Variants in ARV1 observed in about 807,000 individuals in gnomAD.
ARV1 encodes protein ARV1.
A neutral mutation model predicts 31.1 loss-of-function variants in ARV1; 26 were observed. That is an observed-to-expected ratio of 0.84 (90% CI 0.61 to 1.16). ARV1 has a LOEUF of 1.16. Among genes scored for constraint, ARV1 ranks in the 50% most tolerant of loss-of-function variants. The pLI, the probability that ARV1 is intolerant of heterozygous loss-of-function variation, is 0.00. For synonymous variants in ARV1, 117 were observed against 123.2 expected (o/e 0.95, Z 0.34); for missense variants, 281 against 324.9 (o/e 0.86, Z 1.04).
chr1:230,997,145 T>G lies in ARV1; in HGVS notation c.698T>G (p.Leu233Arg). 1 of 1,614,058 alleles carries G rather than the reference T, an allele frequency of 6.2e-7. No homozygotes were observed. The highest frequency in any genetic ancestry group is 1.6e-4 in the Middle Eastern group (1 of 6,062). Residue 233 changes from leucine to arginine, a missense_variant, in exon 5 of 6, where the codon CTC becomes CGC. Physicochemically the swap from Leu to Arg is moderately radical, Grantham distance 102. Coordinates refer to ENST00000310256, the MANE Select transcript of ARV1 (RefSeq NM_022786.3). The part of the protein sequence containing the change: ...IRVTLNINRK[L>R]SFLAVLSGLL... ...GTGACCCTAAACATCAACCGTAAGCTCTCCTTCTTGGCCGTGTTGAGTGGC... is the reference window on the plus strand; with the variant it reads ...GTGACCCTAAACATCAACCGTAAGCGCTCCTTCTTGGCCGTGTTGAGTGGC...
At chr1:230,991,415 A>G (rs1171696279) in intron 3 of ARV1, among the ~76,000 whole-genome samples, 1 of 151,982 alleles carries the variant, frequency 6.6e-6, no homozygotes, top group Non-Finnish European at 1.5e-5. Context: ...CTGCCTTCTC[A>G]ACATCACCAC....
intron 2 of ARV1, among the ~76,000 whole-genome samples, chr1:230,989,124 C>T (rs1300363313): frequency 8.6e-5 from 13 of 151,962 alleles, no homozygotes; most frequent in African/African-American, 1.4e-4. Context: ...ATTTAACTGG[C>T]GGTCCTGTTA....
In ARV1 at chr1:230,998,394, A is replaced by G. The variant is rs915263196; in HGVS notation, c.*4+1127A>G. Among the ~76,000 whole-genome samples the G allele has an allele frequency of 4.6e-5, 7 of 152,086 alleles. No individual in the cohort carries two copies. In the East Asian group the frequency reaches 7.7e-4, roughly 17 times the overall value. On this transcript the variant is annotated intron_variant, in intron 5 of 5. Transcript: ENST00000310256. The stretch of plus-strand genomic sequence containing the variant: ...GCCATCCTCCACTCCTGTTGCCTCA[A>G]TCTCTCTTCATGCCCAGCTAATCCA...
intron 5 of ARV1, among the ~76,000 whole-genome samples, chr1:230,997,484 T>C (rs960605020): frequency 1.3e-5 from 2 of 152,146 alleles, no homozygotes; most frequent in African/African-American, 4.8e-5. Context: ...AACATCCATG[T>C]TTTTGTTGCT....
At chr1:230,985,694 G>A (rs1256436947) in intron 1 of ARV1, among the ~76,000 whole-genome samples, 1 of 152,044 alleles carries the variant, frequency 6.6e-6, no homozygotes, top group African/African-American at 2.4e-5. Flanking sequence ...GACTTTTTAG[G>A]GTTTCCATTT....
intron 1 of ARV1, among the ~76,000 whole-genome samples, chr1:230,984,341 T>G (rs1678989601): frequency 8.0e-6 from 1 of 124,876 alleles, no homozygotes; most frequent in Admixed American, 8.8e-5. Context: ...ATTTGTTTGT[T>G]TCGTGTGTGT....
intron 1 of ARV1, among the ~76,000 whole-genome samples, chr1:230,986,695 TTTTTTTTTTTTGAGA>T (rs1679086912): frequency 1.4e-5 from 1 of 73,184 alleles, no homozygotes; most frequent in Non-Finnish European, 2.8e-5. Flanking sequence ...TTTTTTTTTT[TTTTTTTTTTTTGAGA>T]GAGAGAGACC....
chr1:230,990,136 T>G lies in ARV1; in HGVS notation c.321T>G (p.Cys107Trp), dbSNP rs762537477. Residue 107 changes from cysteine (C) to tryptophan (W), a missense_variant, in exon 3 of 6, where the codon TGT (cysteine) becomes TGG (tryptophan). By Grantham distance (215) the Cys-to-Trp change is radical. Coordinates refer to ENST00000310256, the MANE Select transcript of ARV1 (RefSeq NM_022786.3). ...TCCATGGAAAACTCTGCATATTTTG[T>G]TTGCTTTGTGAAGCATACCTGAGGT... Reference protein sequence around the residue: ...INIHGKLCIFCLLCEAYLRWW... With the variant: ...INIHGKLCIFWLLCEAYLRWW... 3 of 1,607,070 alleles carry G rather than the reference T, an allele frequency of 1.9e-6. No individual in the cohort carries two copies. The highest frequency in any genetic ancestry group is 2.5e-6 in the Non-Finnish European group (3 of 1,178,344).
intron 5 of ARV1, among the ~76,000 whole-genome samples, chr1:230,998,337 C>T (rs369364197): frequency 6.6e-6 from 1 of 152,170 alleles, no homozygotes; most frequent in African/African-American, 2.4e-5. Context: ...TTGCAAGTAG[C>T]GGCTGTAAAG....
rs534249816 is a variant in ARV1 at position 230,987,350 on chromosome 1, G to A, written c.175-970G>A. ...GACCTCGGGTTACAAACTGCAGAAA[G>A]CAAAACTGTGGCTACGGGAGGACTG... On this transcript the variant is annotated intron_variant, in intron 1 of 5. Coordinates refer to ENST00000310256, the MANE Select transcript of ARV1 (RefSeq NM_022786.3). Among the ~76,000 whole-genome samples the A allele has an allele frequency of 2.6e-5, 4 of 152,344 alleles. No individual in the cohort carries two copies. In the South Asian group the frequency reaches 8.3e-4, roughly 32 times the overall value.
At chr1:230,996,782 G>A (rs1380217224) in intron 4 of ARV1, among the ~76,000 whole-genome samples, 1 of 152,140 alleles carries the variant, frequency 6.6e-6, no homozygotes, top group Non-Finnish European at 1.5e-5. Flanking sequence ...TTATCAGAAT[G>A]CTTGTCATCT....
chr1:230,984,342 TC>T (rs1678989815), intron 1 of ARV1, among the ~76,000 whole-genome samples: 1 of 85,076 alleles, frequency 1.2e-5, no homozygotes, highest in Admixed American at 1.2e-4. Flanking sequence ...TTTGTTTGTT[TC>T]GTGTGTGTGT....
At chr1:230,991,569 T>C (rs1191699197) in intron 3 of ARV1, among the ~76,000 whole-genome samples, 2 of 152,222 alleles carry the variant, frequency 1.3e-5, no homozygotes, top group East Asian at 3.8e-4. Flanking sequence ...TGCCTCTTTC[T>C]TTGATACCCC....
intron 3 of ARV1, among the ~76,000 whole-genome samples, chr1:230,994,983 A>G (rs1450981528): frequency 6.6e-6 from 1 of 152,256 alleles, no homozygotes; most frequent in African/African-American, 2.4e-5. Context: ...GCAGAAACCT[A>G]AACTGCTAAT....
At chr1:230,993,243 A>C (rs1013781490) in intron 3 of ARV1, among the ~76,000 whole-genome samples, 1 of 151,964 alleles carries the variant, frequency 6.6e-6, no homozygotes, top group Admixed American at 6.6e-5. Flanking sequence ...GGTACATGCT[A>C]CTGTGCCTGG....
chr1:230,980,907 G>C (rs992760970), intron 1 of ARV1, among the ~76,000 whole-genome samples: 1 of 151,878 alleles, frequency 6.6e-6, no homozygotes, highest in African/African-American at 2.4e-5. Flanking sequence ...AGTTTCTCTT[G>C]AACCTGCTTT....
chr1:230,984,430 G>A (rs1679004982), intron 1 of ARV1, among the ~76,000 whole-genome samples: 1 of 148,450 alleles, frequency 6.7e-6, no homozygotes, highest in African/African-American at 2.5e-5. Flanking sequence ...CAAGGTGAAG[G>A]CAGAGGGAAA....
chr1:230,990,553 TTTA>T (rs1396820238), intron 3 of ARV1: 3 of 269,672 alleles, frequency 1.1e-5, no homozygotes, highest in Non-Finnish European at 2.1e-5. Context: ...TTCTTTTATT[TTTA>T]TTATTATATA....
intron 2 of ARV1, among the ~76,000 whole-genome samples, chr1:230,989,662 T>A (rs560986206): frequency 6.6e-6 from 1 of 152,344 alleles, no homozygotes; most frequent in South Asian, 2.1e-4. Context: ...TATCATGGAA[T>A]CTTCAGATTA....
Sources: allele counts gnomAD v4.1 joint callset (sites outside exome capture counted in the v4.1 genomes callset), GRCh38; gene constraint gnomAD v4.1.1; transcripts MANE v1.5; gene names NCBI Gene and HGNC (gene_info 2026-07-23, HGNC 2026-07-21).